The following FSTL4 variants were observed in gnomAD, a reference collection of about 807,000 sequenced individuals.
FSTL4 encodes follistatin like 4.
A neutral mutation model predicts 78.2 loss-of-function variants in FSTL4; 28 were observed. The observed-to-expected ratio is 0.36, with a 90% CI of 0.27 to 0.49. FSTL4 has a LOEUF of 0.49. Among genes scored for constraint, FSTL4 ranks in the 20% least tolerant of loss-of-function variants. The pLI, the probability that FSTL4 is intolerant of heterozygous loss-of-function variation, is 0.98. For synonymous variants in FSTL4, 422 were observed against 440.5 expected (o/e 0.96, Z 0.53); for missense variants, 922 against 1,084.9 (o/e 0.85, Z 2.11).
At chr5:133,672,240 A>G in the FSTL4 span, among the ~76,000 whole-genome samples, 2 of 152,188 alleles carry the variant, frequency 1.3e-5, no homozygotes, top group Non-Finnish European at 2.9e-5. Flanking sequence ...GAAATGTATT[A>G]TTTGCAATGT....
At chr5:133,812,430 C>T in the FSTL4 span, among the ~76,000 whole-genome samples, 1 of 152,246 alleles carries the variant, frequency 6.6e-6, no homozygotes, top group Non-Finnish European at 1.5e-5. Context: ...GTTCCTATCA[C>T]ACCCTTCCTA....
the FSTL4 span, among the ~76,000 whole-genome samples, chr5:133,809,002 T>C: frequency 6.6e-6 from 1 of 151,970 alleles, no homozygotes; most frequent in African/African-American, 2.4e-5. Context: ...GCAGTTCTTT[T>C]GGACAGGTTG....
chr5:133,561,080 C>T (rs1580789867), intron 3 of FSTL4, among the ~76,000 whole-genome samples: 1 of 144,372 alleles, frequency 6.9e-6, no homozygotes, highest in Non-Finnish European at 1.5e-5. Flanking sequence ...CTGAGTGACA[C>T]TCGGACTCAA....
the FSTL4 span, among the ~76,000 whole-genome samples, chr5:133,707,524 G>A: frequency 1.3e-5 from 2 of 152,246 alleles, no homozygotes; most frequent in Admixed American, 6.5e-5. Context: ...GGCTTGGAAA[G>A]CATCCCTGTA....
the FSTL4 span, among the ~76,000 whole-genome samples, chr5:133,767,077 C>T: frequency 6.6e-6 from 1 of 152,234 alleles, no homozygotes; most frequent in East Asian, 1.9e-4. Context: ...AGAAGCAGAT[C>T]CTGAAATGAA....
the FSTL4 span, among the ~76,000 whole-genome samples, chr5:133,733,967 T>C: frequency 1.3e-5 from 2 of 152,236 alleles, no homozygotes; most frequent in Non-Finnish European, 2.9e-5. Flanking sequence ...GCAGGCTGCT[T>C]GAGAGTCCTA....
chr5:133,400,777 T>C lies in FSTL4; in HGVS notation c.370A>G (p.Arg124Gly). 6.2e-7 allele frequency: 1 copy of C among 1,614,102 alleles called. No individual in the cohort carries two copies. Among genetic ancestry groups the C allele is most frequent in the Non-Finnish European group, 8.5e-7 (1 of 1,180,010 alleles). Residue 124 changes from arginine (R) to glycine (G), a missense_variant, in exon 4 of 16, where the codon AGG becomes GGG. Physicochemically the swap from Arg to Gly is moderately radical, Grantham distance 125. Coordinates refer to ENST00000265342, the MANE Select transcript of FSTL4 (RefSeq NM_015082.2). ...TCCTTGCTGTGGATGACGGTGATCC[T>C]CTTTCCCAGGAGGCAAGCAGCACGG... ...LHRAACLLGK[R>G]ITVIHSKDCF...
At chr5:133,443,241 T>C (rs566386637) in intron 3 of FSTL4, among the ~76,000 whole-genome samples, 18 of 152,354 alleles carry the variant, frequency 1.2e-4, no homozygotes, top group African/African-American at 4.3e-4. Context: ...ATCATTCCTA[T>C]CTGAGATTTC....
the FSTL4 span, among the ~76,000 whole-genome samples, chr5:133,669,279 G>A: frequency 5.9e-5 from 9 of 152,178 alleles, no homozygotes; most frequent in African/African-American, 2.2e-4. Flanking sequence ...GGCAGATGAG[G>A]GCCCCAAATC....
the FSTL4 span, among the ~76,000 whole-genome samples, chr5:133,687,923 G>A: frequency 6.6e-6 from 1 of 152,162 alleles, no homozygotes; most frequent in Non-Finnish European, 1.5e-5. Context: ...TCCTCCCCAG[G>A]TCCCAGATGG....
the FSTL4 span, among the ~76,000 whole-genome samples, chr5:133,833,643 A>G: frequency 3.3e-5 from 5 of 152,282 alleles, no homozygotes; most frequent in Admixed American, 6.5e-5. Flanking sequence ...AACCCAAGAG[A>G]TGAGTAGGAT....
chr5:133,563,854 TATC>T (rs1413196574), intron 3 of FSTL4, among the ~76,000 whole-genome samples: 1 of 152,232 alleles, frequency 6.6e-6, no homozygotes, highest in Non-Finnish European at 1.5e-5. Flanking sequence ...CCAGTCAAAA[TATC>T]ATCATCATCA....
intron 2 of FSTL4, among the ~76,000 whole-genome samples, chr5:133,577,201 T>C (rs896294893): frequency 2.6e-5 from 4 of 152,156 alleles, no homozygotes; most frequent in African/African-American, 9.7e-5. Flanking sequence ...CGGGGCTAGT[T>C]TGAAAGCCAA....
intron 3 of FSTL4, among the ~76,000 whole-genome samples, chr5:133,533,321 A>G (rs1280310050): frequency 6.6e-6 from 1 of 152,164 alleles, no homozygotes; most frequent in Admixed American, 6.5e-5. Flanking sequence ...TCTGCTCACT[A>G]TAGCCTCAAA....
chr5:133,682,284 T>G, the FSTL4 span, among the ~76,000 whole-genome samples: 61,005 of 152,104 alleles, frequency 0.4, 15,484 homozygotes, highest in African/African-American at 0.73. Flanking sequence ...CCAGGTAATG[T>G]CAGAAGCACT....
intron 3 of FSTL4, among the ~76,000 whole-genome samples, chr5:133,417,368 A>G (rs1236914582): frequency 6.6e-6 from 1 of 152,170 alleles, no homozygotes; most frequent in Non-Finnish European, 1.5e-5. Flanking sequence ...AATTAAACAG[A>G]TCATTAGAGA....
intron 3 of FSTL4, among the ~76,000 whole-genome samples, chr5:133,446,108 T>C (rs929849365): frequency 3.9e-5 from 6 of 152,124 alleles, no homozygotes; most frequent in African/African-American, 1.2e-4. Context: ...CCACCCCTAT[T>C]TGGGGGCAGC....
chr5:133,623,678 A>G, the FSTL4 span, among the ~76,000 whole-genome samples: 2 of 152,078 alleles, frequency 1.3e-5, no homozygotes, highest in African/African-American at 2.4e-5. Flanking sequence ...TTTGTGTATC[A>G]AATAACCTTA....
chr5:133,317,526 C>G (rs1561669486), intron 4 of FSTL4, among the ~76,000 whole-genome samples: 1 of 152,210 alleles, frequency 6.6e-6, no homozygotes, highest in Non-Finnish European at 1.5e-5. Flanking sequence ...CTGACCATTC[C>G]AGGTTGAAGG....
Sources: gnomAD v4.1 joint callset for allele counts (sites outside exome capture counted in the v4.1 genomes callset) on GRCh38, gnomAD v4.1.1 for gene constraint, MANE v1.5 for transcripts, NCBI Gene and HGNC (gene_info 2026-07-23, HGNC 2026-07-21) for gene names.